Variants in DOCK4 observed in about 807,000 individuals in gnomAD.
DOCK4 encodes the protein dedicator of cytokinesis protein 4.
In DOCK4, 97 loss-of-function variants were observed where a neutral mutation model predicts 268.1. That is an observed-to-expected ratio of 0.36 (90% confidence interval 0.31 to 0.43). DOCK4 has a LOEUF of 0.43. Ranked by LOEUF, DOCK4 falls within the 20% of genes least tolerant of loss-of-function variation. The pLI is 1.00. For synonymous variants in DOCK4, 954 were observed against 887.2 expected, an observed-to-expected ratio of 1.08 and a Z score of -1.34; for missense variants, 2,145 against 2,455.7, an observed-to-expected ratio of 0.87 and a Z score of 2.67.
At chr7:112,100,187 T>A (rs552697415) in intron 1 of DOCK4, among the ~76,000 whole-genome samples, 1 of 152,182 alleles carries the variant, frequency 6.6e-6, no homozygotes, top group African/African-American at 2.4e-5. Context: ...TTTGATACAG[T>A]TGAGGTATTA....
chr7:112,042,793 G>A (rs1044294017), intron 1 of DOCK4, among the ~76,000 whole-genome samples: 7 of 152,158 alleles, frequency 4.6e-5, no homozygotes, highest in African/African-American at 1.2e-4. Context: ...ATCATGGCAC[G>A]GTTGGGAGGT....
intron 27 of DOCK4, chr7:111,819,763 C>G (rs1053540768): frequency 3.3e-5 from 5 of 152,198 alleles, no homozygotes; most frequent in Admixed American, 6.5e-5. Context: ...ATGGTGACTT[C>G]TCAGCCACCT....
intron 12 of DOCK4, among the ~76,000 whole-genome samples, chr7:111,917,130 G>A (rs1407173235): frequency 1.3e-5 from 2 of 151,772 alleles, no homozygotes; most frequent in African/African-American, 4.8e-5. Flanking sequence ...TGGGACTACA[G>A]GCGTCCGCCA....
At chr7:111,945,584 T>G in intron 9 of DOCK4, 133 bp downstream of exon 9, 1 of 714,340 alleles carries the variant, frequency 1.4e-6, no homozygotes, top group Non-Finnish European at 2.3e-6. Context: ...TGGGCACTAA[T>G]GTAATTTGTG....
chr7:111,840,931 A>T, intron 25 of DOCK4: 1 of 966,894 alleles, frequency 1.0e-6, no homozygotes, highest in South Asian at 1.3e-5. Context: ...GGATTTTGTG[A>T]AAGACAAGAC....
chr7:111,822,476 G>C lies in DOCK4; in HGVS notation c.2836-20C>G, dbSNP rs761172272. On this transcript the variant is annotated intron_variant, in intron 26 of 52. Coordinates refer to ENST00000428084, the MANE Select transcript of DOCK4 (RefSeq NM_001363540.2). ...GAAATCCTTGGATAAGGAGAAAATAGATCATTTTATTGGTTTATTGTAACT... is the reference window on the plus strand; with the variant it reads ...GAAATCCTTGGATAAGGAGAAAATACATCATTTTATTGGTTTATTGTAACT... The C allele has an allele frequency of 1.3e-6, 2 of 1,588,026 alleles. No homozygotes were observed. Among genetic ancestry groups the C allele is most frequent in the South Asian group, 1.1e-5 (1 of 88,462 alleles).
chr7:111,728,081 T>G lies in DOCK4; in HGVS notation c.*193A>C. The G allele has an allele frequency of 2.3e-6, 1 of 429,062 alleles. No individual in the cohort carries two copies. The highest frequency in any genetic ancestry group is 4.0e-6 in the Non-Finnish European group (1 of 252,754). The allele number at this position is 429,062 out of a possible 1,614,324, so 26.6% of individuals were successfully genotyped here. The stretch of plus-strand genomic sequence containing the variant: ...ACGTTTTAATGAAATTCAGCCATAC[T>G]TCATTTAACATCTGGCGTTTTAGAT... On this transcript the variant is annotated 3_prime_UTR_variant, in exon 53 of 53. Coordinates refer to ENST00000428084, the MANE Select transcript of DOCK4 (RefSeq NM_001363540.2).
intron 1 of DOCK4, among the ~76,000 whole-genome samples, chr7:112,086,188 T>A (rs149522790): frequency 1.3e-5 from 2 of 152,078 alleles, no homozygotes; most frequent in Admixed American, 1.3e-4. Context: ...AATACATGAA[T>A]ATATAGTACG....
chr7:111,841,931 G>A (rs1305190560), intron 25 of DOCK4, among the ~76,000 whole-genome samples: 1 of 152,204 alleles, frequency 6.6e-6, no homozygotes. Flanking sequence ...AGTTTAAAAA[G>A]TGTTTTAGCT....
intron 1 of DOCK4, among the ~76,000 whole-genome samples, chr7:112,023,027 C>T (rs1802463914): frequency 6.6e-6 from 1 of 152,028 alleles, no homozygotes; most frequent in Non-Finnish European, 1.5e-5. Flanking sequence ...AGCGGTTTTT[C>T]AGCGATTCTC....
rs956928972 is a variant in DOCK4, at chr7:111,728,572, T to C, written c.5630A>G (p.Gln1877Arg). The change falls in exon 53 of 53, where the codon CAG becomes CGG. Residue 1877 changes from glutamine (Q) to arginine (R), a missense_variant. Gln to Arg is a conservative substitution (Grantham distance 43). This residue lies in a region of DOCK4 where 547 missense variants were observed against 469.0 expected (regional missense o/e 1.17). Transcript: ENST00000428084. ...STSETSGFENQVNEQSAPLPV... is the reference protein window; with the variant it reads ...STSETSGFENRVNEQSAPLPV... ...CAGGGGGGCCGACTGTTCATTCACC[T>C]GATTTTCAAAGCCTGAGGTTTCCGA... The C allele has an allele frequency of 1.9e-6, 3 of 1,613,894 alleles. No individual in the cohort carries two copies. The highest frequency in any genetic ancestry group is 1.3e-5 in the African/African-American group (1 of 74,940).
intron 1 of DOCK4, among the ~76,000 whole-genome samples, chr7:112,130,059 T>C (rs543501417): frequency 1.1e-3 from 168 of 152,300 alleles, no homozygotes; most frequent in South Asian, 2.7e-3. Context: ...TAACTCTGCC[T>C]GGAAAGGTCA....
At chr7:111,933,397 C>T (rs576288283) in intron 12 of DOCK4, among the ~76,000 whole-genome samples, 13 of 149,262 alleles carry the variant, frequency 8.7e-5, no homozygotes, top group South Asian at 4.2e-4. Flanking sequence ...CTGGTTTAAG[C>T]GATTCTCCTG....
rs372590438 is a variant in DOCK4 at position 112,148,245 on chromosome 7, T to C, written c.37+57857A>G. On this transcript the variant is annotated intron_variant, in intron 1 of 52. Coordinates refer to ENST00000428084, the MANE Select transcript of DOCK4 (RefSeq NM_001363540.2). ...TTATAATAGGGATTCCAGTGATTGA[T>C]GCTGGGCCTTTCAAAGCCACATCTC... Among the ~76,000 whole-genome samples, 5 of 152,278 alleles carry C rather than the reference T, an allele frequency of 3.3e-5. No homozygotes were observed. The East Asian group carries it at 9.7e-4, about 29-fold the overall frequency.
At chr7:111,798,658 A>G (rs1314156705) in intron 30 of DOCK4, among the ~76,000 whole-genome samples, 1 of 152,238 alleles carries the variant, frequency 6.6e-6, no homozygotes, top group African/African-American at 2.4e-5. Flanking sequence ...GAAAGCTCTT[A>G]GCTAACAGCC....
At chr7:111,751,844 C>T (rs1057480873) in intron 42 of DOCK4, among the ~76,000 whole-genome samples, 1 of 152,046 alleles carries the variant, frequency 6.6e-6, no homozygotes, top group African/African-American at 2.4e-5. Context: ...CCTCAAACTC[C>T]TGGGCTCCAG....
chr7:112,180,740 T>C (rs34817586), intron 1 of DOCK4, among the ~76,000 whole-genome samples: 20,623 of 152,264 alleles, frequency 0.14, 1,528 homozygotes, highest in South Asian at 0.23. Context: ...AACAGCACTT[T>C]GTGGCTGTGC....
At chr7:111,955,116 T>C (rs1017110380) in intron 8 of DOCK4, among the ~76,000 whole-genome samples, 1 of 152,192 alleles carries the variant, frequency 6.6e-6, no homozygotes, top group African/African-American at 2.4e-5. Context: ...GGTCGAAGAC[T>C]TTTCCCCTCT....
intron 13 of DOCK4, among the ~76,000 whole-genome samples, chr7:111,909,200 G>A (rs745626766): frequency 2.6e-5 from 4 of 151,966 alleles, no homozygotes; most frequent in Admixed American, 6.6e-5. Flanking sequence ...ACTAATAATC[G>A]CCCATTCTAA....
Sources: gnomAD v4.1 joint callset for allele counts (sites outside exome capture counted in the v4.1 genomes callset) on GRCh38, gnomAD v4.1.1 for gene constraint, gnomAD v4.1.1 regional missense constraint, MANE v1.5 for transcripts, NCBI Gene and HGNC (gene_info 2026-07-23, HGNC 2026-07-21) for gene names.